Variants in PAK1IP1 observed in about 807,000 individuals in gnomAD.
PAK1IP1 encodes p21-activated protein kinase-interacting protein 1.
PAK1IP1 carries 24 observed loss-of-function variants against 42.0 expected under a neutral mutation model. That is an observed-to-expected ratio of 0.57 (90% CI 0.41 to 0.80). PAK1IP1 has a LOEUF of 0.80. Among genes scored for constraint, PAK1IP1 ranks in the 30% least tolerant of loss-of-function variants. The pLI is 0.00. For missense variants in PAK1IP1, 411 were observed against 467.9 expected (o/e 0.88, Z 1.12); for synonymous variants, 154 against 156.7 (o/e 0.98, Z 0.13).
chr6:10,707,160 T>C (rs1188394678), intron 7 of PAK1IP1, among the ~76,000 whole-genome samples: 1 of 152,212 alleles, frequency 6.6e-6, no homozygotes, highest in Non-Finnish European at 1.5e-5. Context: ...ATAACCTGAT[T>C]ATTTATAGTT....
intron 6 of PAK1IP1, 46 bp downstream of exon 6, chr6:10,704,698 A>G: frequency 6.2e-7 from 1 of 1,601,856 alleles, no homozygotes; most frequent in Non-Finnish European, 8.6e-7. Context: ...TGATGGTTGG[A>G]ACTGTTGATG....
At chr6:10,694,537 A>G, upstream of PAK1IP1, 1 of 156,818 alleles carries the variant, frequency 6.4e-6, no homozygotes, top group Non-Finnish European at 1.4e-5. Flanking sequence ...CCCTGAACAA[A>G]AACTCCTACC....
In PAK1IP1 at chr6:10,709,304, G is replaced by T. The variant is rs190974202; in HGVS notation, c.1031G>T (p.Arg344Leu). ...GACACAGTGCACAAAGAAGAAAAGC[G>T]GTCAAAACCTAACACAAAGAAACGC... ...PGDTVHKEEK[R>L]SKPNTKKRGL... The change falls in exon 10 of 10, where the codon CGG (arginine) becomes CTG (leucine). Residue 344 changes from arginine (R) to leucine (L), a missense_variant. Transcript: ENST00000379568. The T allele has an allele frequency of 1.9e-6, 3 of 1,613,788 alleles. No individual in the cohort carries two copies. The South Asian group carries it at 3.3e-5, about 18-fold the overall frequency.
At chr6:10,697,564 A>C in intron 2 of PAK1IP1, 78 bp downstream of exon 2, 1 of 1,102,694 alleles carries the variant, frequency 9.1e-7, no homozygotes, top group Non-Finnish European at 1.3e-6. Flanking sequence ...AATTTGTTGT[A>C]TCTATTTTAT....
chr6:10,694,821 G>T, upstream of PAK1IP1: 1 of 573,568 alleles, frequency 1.7e-6, no homozygotes. Context: ...CGCGCTTAAA[G>T]TGTTTCCACG....
At chr6:10,696,461 GGAGT>G (rs568736162) in intron 1 of PAK1IP1, among the ~76,000 whole-genome samples, 9 of 152,150 alleles carry the variant, frequency 5.9e-5, no homozygotes, top group African/African-American at 1.7e-4. Flanking sequence ...TTCAGTTTAA[GGAGT>G]GAGTGAGTGT....
At chr6:10,703,052 G>A (rs1317397579) in intron 4 of PAK1IP1, among the ~76,000 whole-genome samples, 4 of 152,074 alleles carry the variant, frequency 2.6e-5, no homozygotes, top group African/African-American at 7.2e-5. Context: ...TGATCCGCCC[G>A]CCTCAGCCTC....
chr6:10,700,708 A>G (rs1770001205), intron 2 of PAK1IP1, among the ~76,000 whole-genome samples: 1 of 152,238 alleles, frequency 6.6e-6, no homozygotes, highest in Non-Finnish European at 1.5e-5. Flanking sequence ...ACAAGTGTTC[A>G]ACAATAAGAA....
At chr6:10,694,601 CAACCGG>C, upstream of PAK1IP1, 2 of 175,892 alleles carry the variant, frequency 1.1e-5, no homozygotes, top group South Asian at 1.1e-4. Flanking sequence ...AGCCCCTAAG[CAACCGG>C]CCGGAAGTCG....
At position 10,704,490 on chromosome 6, in the gene PAK1IP1, T is replaced by G; in HGVS notation, c.497-17T>G. On this transcript the variant is annotated splice_polypyrimidine_tract_variant and intron_variant, in intron 5 of 9. Coordinates refer to ENST00000379568, the MANE Select transcript of PAK1IP1 (RefSeq NM_017906.3). The stretch of plus-strand genomic sequence containing the variant: ...TTATTTACAAAATAAATAAACTTCG[T>G]TTTTTTCCACTTACAGATGCTCACA... 6.7e-7 allele frequency: 1 copy of G among 1,493,280 alleles called. No individual in the cohort carries two copies. Among genetic ancestry groups the G allele is most frequent in the Non-Finnish European group, 9.1e-7 (1 of 1,104,540 alleles). The allele number at this position is 1,493,280 out of a possible 1,614,324, so 92.5% of individuals were successfully genotyped here. A position where few individuals can be genotyped will look rare whatever the true frequency, so the allele number is the denominator to read the frequency against.
upstream of PAK1IP1, chr6:10,694,599 A>AT: frequency 1.1e-5 from 2 of 178,264 alleles, no homozygotes; most frequent in South Asian, 1.0e-4. Flanking sequence ...ACAGCCCCTA[A>AT]GCAACCGGCC....
At chr6:10,704,900 A>C in intron 7 of PAK1IP1, 56 bp downstream of exon 7, 2 of 1,037,514 alleles carry the variant, frequency 1.9e-6, no homozygotes, top group Non-Finnish European at 3.1e-6. Context: ...GTATATATGC[A>C]GTAGTTTCAT....
intron 2 of PAK1IP1, among the ~76,000 whole-genome samples, chr6:10,700,531 A>G (rs971581609): frequency 3.3e-5 from 5 of 152,204 alleles, no homozygotes; most frequent in African/African-American, 1.2e-4. Context: ...CAGACTGTCC[A>G]TTGCTGCTTT....
At position 10,702,277 on chromosome 6, in the gene PAK1IP1, G is replaced by A. The variant is rs571653124; in HGVS notation, c.248-92G>A. ...AAAGAAAAAGAAAAAAAGGTATTGA[G>A]TGTTTTACTTAGCATAGCATAGCCT... is the stretch of plus-strand genomic sequence containing the variant. On this transcript the variant is annotated intron_variant, in intron 2 of 9. Coordinates refer to ENST00000379568, the MANE Select transcript of PAK1IP1 (RefSeq NM_017906.3). The A allele has an allele frequency of 3.7e-4, 358 of 979,744 alleles. 1 individual carries two copies. The African/African-American group carries it at 5.3e-3, about 14-fold the overall frequency. 60.7% of individuals were successfully genotyped at this position (979,744 alleles called of 1,614,324 possible).
chr6:10,693,765 G>T (rs544745335), upstream of PAK1IP1, among the ~76,000 whole-genome samples: 17 of 152,154 alleles, frequency 1.1e-4, no homozygotes, highest in African/African-American at 4.1e-4. Context: ...GGCCTGGCTC[G>T]TCCCCCAGAC....
upstream of PAK1IP1, chr6:10,694,573 G>C (rs1417343356): frequency 5.4e-6 from 1 of 186,662 alleles, no homozygotes; most frequent in Non-Finnish European, 1.2e-5. Flanking sequence ...CCACAACAAT[G>C]CACGCTGCCG....
At chr6:10,701,097 A>T (rs1304132355) in intron 2 of PAK1IP1, among the ~76,000 whole-genome samples, 1 of 151,006 alleles carries the variant, frequency 6.6e-6, no homozygotes, top group Non-Finnish European at 1.5e-5. Context: ...TTCTTTTTTG[A>T]GATGCAGTCT....
At position 10,702,644 on chromosome 6, in the gene PAK1IP1, G is replaced by A; in HGVS notation, c.443+5G>A. ...TGGTACAGATAAAACTTTAAGGTAA[G>A]TCATTAATGCTCAAGAGCATTTATC... On this transcript the variant is annotated splice_donor_5th_base_variant and intron_variant, in intron 4 of 9. Coordinates refer to ENST00000379568, the MANE Select transcript of PAK1IP1 (RefSeq NM_017906.3). 2 of 1,592,976 alleles carry A rather than the reference G, an allele frequency of 1.3e-6. No homozygotes were observed. The highest frequency in any genetic ancestry group is 1.7e-6 in the Non-Finnish European group (2 of 1,160,980).
chr6:10,697,775 C>G (rs921404898), intron 2 of PAK1IP1, among the ~76,000 whole-genome samples: 1 of 151,684 alleles, frequency 6.6e-6, no homozygotes, highest in Admixed American at 6.6e-5. Context: ...CCTGTAGTCA[C>G]AGCTACTCGG....
Sources: allele counts gnomAD v4.1 joint callset (sites outside exome capture counted in the v4.1 genomes callset), GRCh38; gene constraint gnomAD v4.1.1; transcripts MANE v1.5; gene names NCBI Gene and HGNC (gene_info 2026-07-23, HGNC 2026-07-21).